The following MAST4 variants were observed in gnomAD, a reference collection of about 807,000 sequenced individuals.
The protein encoded by MAST4 is microtubule associated serine/threonine kinase family member 4.
Under a neutral mutation model 162.7 loss-of-function variants are expected in MAST4, and 89 were observed. The observed-to-expected ratio is 0.55, with a 90% CI of 0.46 to 0.65. MAST4 has a LOEUF of 0.65. MAST4 is among the 30% of genes least tolerant of loss of function. MAST4 has a pLI of 0.00. For missense variants in MAST4, 3,153 were observed against 3,374.0 expected, an observed-to-expected ratio of 0.93 and a Z score of 1.62; for synonymous variants, 1,479 against 1,361.1, an observed-to-expected ratio of 1.09 and a Z score of -1.91.
At chr5:66,986,651 C>CAAA in intron 4 of MAST4, 1 of 216,672 alleles carries the variant, frequency 4.6e-6, no homozygotes, top group Non-Finnish European at 8.1e-6. Context: ...GACAGGGTCT[C>CAAA]ACTCTGTTGC....
chr5:67,064,730 G>A (rs1162499588), intron 5 of MAST4, among the ~76,000 whole-genome samples: 1 of 152,146 alleles, frequency 6.6e-6, no homozygotes, highest in Non-Finnish European at 1.5e-5. Flanking sequence ...GCCAAACAGG[G>A]CAGTGCTTCA....
At chr5:66,734,911 A>T (rs947454013) in intron 1 of MAST4, among the ~76,000 whole-genome samples, 2 of 152,146 alleles carry the variant, frequency 1.3e-5, no homozygotes, top group African/African-American at 4.8e-5. Flanking sequence ...TTATTCCTTA[A>T]TTCTTCCACG....
At chr5:66,711,783 C>T (rs149280349) in intron 1 of MAST4, among the ~76,000 whole-genome samples, 5,337 of 152,154 alleles carry the variant, frequency 0.035, 278 homozygotes, top group South Asian at 0.11. Flanking sequence ...TGCAGTGTGC[C>T]GAGATCATGC....
chr5:66,994,880 T>G (rs1414294837), intron 4 of MAST4, among the ~76,000 whole-genome samples: 1 of 151,850 alleles, frequency 6.6e-6, no homozygotes, highest in Non-Finnish European at 1.5e-5. Flanking sequence ...AGAGTTCATG[T>G]TTTTTTTGAG....
At chr5:67,109,985 A>G in intron 10 of MAST4, 113 bp from the exon 11 acceptor site, 1 of 724,772 alleles carries the variant, frequency 1.4e-6, no homozygotes, top group Non-Finnish European at 2.4e-6. Flanking sequence ...GCATTTTCTA[A>G]ATTACTCGAT....
intron 4 of MAST4, among the ~76,000 whole-genome samples, chr5:66,989,847 T>C (rs1017870762): frequency 1.2e-4 from 19 of 152,208 alleles, no homozygotes; most frequent in Non-Finnish European, 1.9e-4. Context: ...ATCTCATTCT[T>C]TAAATTTTAA....
intron 3 of MAST4, among the ~76,000 whole-genome samples, chr5:66,893,535 A>G (rs1762495264): frequency 6.6e-6 from 1 of 152,084 alleles, no homozygotes; most frequent in African/African-American, 2.4e-5. Context: ...TGGCTGGTTT[A>G]TTTTGCTTAA....
In MAST4 at chr5:66,643,229, A is replaced by G. The variant is rs142530366; in HGVS notation, c.363+46211A>G. Among the ~76,000 whole-genome samples, 544 of 152,298 alleles carry G rather than the reference A, an allele frequency of 3.6e-3. 1 individual carries two copies. The highest frequency in any genetic ancestry group is 5.4e-3 in the Non-Finnish European group (369 of 68,002). On this transcript the variant is annotated intron_variant, in intron 1 of 28. Transcript: ENST00000403625. ...TGCCTCCCATAAAATGTCGGGAACCATATTTTCTCAGAAGAAGGGACTATT... is the reference window on the plus strand; with the variant it reads ...TGCCTCCCATAAAATGTCGGGAACCGTATTTTCTCAGAAGAAGGGACTATT...
At chr5:67,017,626 C>G (rs1340646913) in intron 4 of MAST4, among the ~76,000 whole-genome samples, 4 of 133,192 alleles carry the variant, frequency 3.0e-5, no homozygotes, top group Admixed American at 8.3e-5. Flanking sequence ...TTTTTTGAGA[C>G]AGACTCTCAC....
chr5:66,774,555 A>G (rs1388883150), intron 2 of MAST4, among the ~76,000 whole-genome samples: 2 of 151,978 alleles, frequency 1.3e-5, no homozygotes, highest in Non-Finnish European at 2.9e-5. Context: ...CTTTGATACC[A>G]CCTTAATGTT....
intron 3 of MAST4, among the ~76,000 whole-genome samples, chr5:66,839,241 C>T (rs760999827): frequency 9.2e-5 from 14 of 152,072 alleles, no homozygotes; most frequent in Admixed American, 5.9e-4. Context: ...AGAATTAGTT[C>T]GTTCTGTGAA....
chr5:67,042,687 C>T (rs1005345024), intron 4 of MAST4, among the ~76,000 whole-genome samples: 1 of 152,212 alleles, frequency 6.6e-6, no homozygotes, highest in African/African-American at 2.4e-5. Flanking sequence ...GTTGCTTCTC[C>T]ATTCAGGAAA....
At chr5:66,685,262 C>CAAACAAAACA (rs60672976) in intron 1 of MAST4, among the ~76,000 whole-genome samples, 24,847 of 143,626 alleles carry the variant, frequency 0.17, 2,632 homozygotes, top group Middle Eastern at 0.27. Context: ...GACCTTGTCT[C>CAAACAAAACA]AAACAAAACA....
chr5:66,990,949 A>T (rs887445648), intron 4 of MAST4, among the ~76,000 whole-genome samples: 1 of 152,106 alleles, frequency 6.6e-6, no homozygotes, highest in African/African-American at 2.4e-5. Context: ...GATTAAAAAA[A>T]TAGGTTCAGA....
intron 2 of MAST4, among the ~76,000 whole-genome samples, chr5:66,767,011 A>G (rs1300872402): frequency 2.0e-5 from 3 of 152,134 alleles, no homozygotes; most frequent in Non-Finnish European, 4.4e-5. Flanking sequence ...GCTCTTCTTA[A>G]TAGCCTTGAG....
At chr5:66,836,059 T>A (rs533444381) in intron 3 of MAST4, among the ~76,000 whole-genome samples, 1 of 152,042 alleles carries the variant, frequency 6.6e-6, no homozygotes, top group East Asian at 1.9e-4. Flanking sequence ...TAGTCCCAAG[T>A]ACCTGGGAGA....
intron 1 of MAST4, among the ~76,000 whole-genome samples, chr5:66,752,440 A>G (rs1753240908): frequency 6.8e-6 from 1 of 146,828 alleles, no homozygotes; most frequent in African/African-American, 2.6e-5. Context: ...AAATAAAAGG[A>G]TGGAGGAAGA....
intron 1 of MAST4, among the ~76,000 whole-genome samples, chr5:66,680,448 G>C (rs2149484007): frequency 6.6e-6 from 1 of 152,226 alleles, no homozygotes; most frequent in East Asian, 1.9e-4. Context: ...TCTGCTGCCA[G>C]TGCCCCTCCT....
At chr5:67,105,276 A>G (rs1326853415) in intron 10 of MAST4, among the ~76,000 whole-genome samples, 1 of 152,148 alleles carries the variant, frequency 6.6e-6, no homozygotes, top group Non-Finnish European at 1.5e-5. Context: ...GTATTTTTGT[A>G]TCTCACAGGG....
Sources: gnomAD v4.1 joint callset for allele counts (sites outside exome capture counted in the v4.1 genomes callset) on GRCh38, gnomAD v4.1.1 for gene constraint, MANE v1.5 for transcripts, NCBI Gene and HGNC (gene_info 2026-07-23, HGNC 2026-07-21) for gene names.